Variants in SNX32 observed in about 807,000 individuals in gnomAD.
The protein encoded by SNX32 is sorting nexin 32.
A neutral mutation model predicts 57.0 loss-of-function variants in SNX32; 58 were observed. The observed-to-expected ratio is 1.02, with a 90% CI of 0.82 to 1.27. The LOEUF (loss-of-function observed/expected upper bound fraction) is 1.27, where lower values mean the gene tolerates loss of function less well. Among genes scored for constraint, SNX32 ranks in the 50% most tolerant of loss-of-function variants. The probability of loss-of-function intolerance (pLI) is 0.00; values close to 1 mark genes in which losing one functional copy is unlikely to be tolerated. For missense variants in SNX32, 589 were observed against 541.2 expected (o/e 1.09, Z -0.88); for synonymous variants, 262 against 220.4 (o/e 1.19, Z -1.67).
chr11:65,839,223 G>GTTTGTTTTTTTTTTTT (rs755185237), intron 1 of SNX32, among the ~76,000 whole-genome samples: 1 of 23,078 alleles, frequency 4.3e-5, no homozygotes, highest in Non-Finnish European at 7.1e-5. Flanking sequence ...TAATTTTTTT[G>GTTTGTTTTTTTTTTTT]TATTTTTTTT....
In SNX32 at chr11:65,849,508, G is replaced by A; in HGVS notation, c.67G>A (p.Asp23Asn). The A allele has an allele frequency of 6.2e-7, 1 of 1,613,656 alleles. No homozygotes were observed. Among genetic ancestry groups the A allele is most frequent in the South Asian group, 1.1e-5 (1 of 91,004 alleles). The change falls in exon 2 of 13, where the codon GAC becomes AAC. Residue 23 changes from aspartate to asparagine, a missense_variant. Coordinates refer to ENST00000308342, the MANE Select transcript of SNX32 (RefSeq NM_152760.3). ...CTGTGCATCGGTGGATCTGCAGGGA[G>A]ACAGCTCCTTACAGGTGGAGATTTC... ...PSCASVDLQGDSSLQVEISDA... is the reference protein window; with the variant it reads ...PSCASVDLQGNSSLQVEISDA...
At chr11:65,834,824 G>A (rs111200385) in intron 1 of SNX32, among the ~76,000 whole-genome samples, 291 of 148,006 alleles carry the variant, frequency 2.0e-3, no homozygotes, top group Non-Finnish European at 3.4e-3. Flanking sequence ...GTGTGTCTGT[G>A]TGTGTGTGTC....
intron 1 of SNX32, among the ~76,000 whole-genome samples, chr11:65,837,515 A>G (rs1163319429): frequency 2.6e-5 from 4 of 152,098 alleles, no homozygotes; most frequent in African/African-American, 7.2e-5. Flanking sequence ...CCTTGTCTTT[A>G]AAACAAAACA....
In SNX32 at chr11:65,849,583, G is replaced by C; in HGVS notation, c.141+1G>C. Reference sequence around the variant, plus strand: ...GGTGAAATTCACTGTTCAAACAAAGGTGAGGCAGTGCGGGGCACGAGGAAA... The same window carrying C: ...GGTGAAATTCACTGTTCAAACAAAGCTGAGGCAGTGCGGGGCACGAGGAAA... On this transcript the variant is annotated splice_donor_variant, in intron 2 of 12. Coordinates refer to ENST00000308342, the MANE Select transcript of SNX32 (RefSeq NM_152760.3). LOFTEE classifies it high-confidence loss of function. The C allele has an allele frequency of 6.2e-7, 1 of 1,613,880 alleles. No individual in the cohort carries two copies. Among genetic ancestry groups the C allele is most frequent in the Non-Finnish European group, 8.5e-7 (1 of 1,179,774 alleles).
chr11:65,849,041 G>A (rs1338240385), intron 1 of SNX32, among the ~76,000 whole-genome samples: 1 of 152,176 alleles, frequency 6.6e-6, no homozygotes, highest in Admixed American at 6.5e-5. Context: ...CTACTCGGGA[G>A]GCTGAGGCAG....
rs1435919649 is a variant in SNX32, at chr11:65,839,223, GTAT to G, written c.36+5124_36+5126del. 2.8e-3 allele frequency among the ~76,000 whole-genome samples: 64 copies of G among 23,068 alleles called. 13 individuals are homozygous for G. The highest frequency in any genetic ancestry group is 8.3e-3 in the East Asian group (5 of 606). The allele number at this position is 23,068 out of a possible 152,430, so 15.1% of individuals were successfully genotyped here. On this transcript the variant is annotated intron_variant, in intron 1 of 12. Coordinates refer to ENST00000308342, the MANE Select transcript of SNX32 (RefSeq NM_152760.3). ...CCCACCACGCCCAGCTAATTTTTTTGTATTTTTTTTTTTTTTTTTTTTTTGAGA... is the reference window on the plus strand; with the variant it reads ...CCCACCACGCCCAGCTAATTTTTTTGTTTTTTTTTTTTTTTTTTTTTGAGA...
rs138265063 is a variant in SNX32 at position 65,835,272 on chromosome 11, G to C, written c.36+1171G>C. ...TGTCCTTACAGATGGAAAGGGACCC[G>C]TCACTGTCACTCTTACCCTCCCCAA... On this transcript the variant is annotated intron_variant, in intron 1 of 12. Coordinates refer to ENST00000308342, the MANE Select transcript of SNX32 (RefSeq NM_152760.3). 4.5e-3 allele frequency among the ~76,000 whole-genome samples: 647 copies of C among 144,186 alleles called. 4 individuals are homozygous for C. The highest frequency in any genetic ancestry group is 0.02 in the South Asian group (87 of 4,356). The allele number at this position is 144,186 out of a possible 152,430, so 94.6% of individuals were successfully genotyped here.
intron 1 of SNX32, among the ~76,000 whole-genome samples, chr11:65,843,473 G>T (rs1419493878): frequency 1.3e-5 from 2 of 151,636 alleles, no homozygotes; most frequent in Non-Finnish European, 2.9e-5. Context: ...GGAGGCTGAG[G>T]CAGGAGAATC....
intron 9 of SNX32, 46 bp from the exon 10 acceptor site, chr11:65,852,419 G>A (rs200156250): frequency 1.3e-6 from 2 of 1,542,486 alleles, no homozygotes; most frequent in Non-Finnish European, 1.8e-6. Flanking sequence ...CCCCTTAGCT[G>A]CCCCTCTGAC....
intron 5 of SNX32, 66 bp downstream of exon 5, chr11:65,850,620 C>A: frequency 6.4e-7 from 1 of 1,558,800 alleles, no homozygotes; most frequent in South Asian, 1.2e-5. Flanking sequence ...GGGAGGCACC[C>A]AGGGGTGGCA....
chr11:65,834,230 C>CTG, intron 1 of SNX32, 129 bp downstream of exon 1: 1 of 1,018,670 alleles, frequency 9.8e-7, no homozygotes, highest in Non-Finnish European at 1.5e-6. Flanking sequence ...CTGTGTGTGT[C>CTG]TGTGTGTGTA....
chr11:65,838,500 T>C (rs1858733892), intron 1 of SNX32, among the ~76,000 whole-genome samples: 1 of 152,164 alleles, frequency 6.6e-6, no homozygotes, highest in Non-Finnish European at 1.5e-5. Flanking sequence ...GCTGGAATTA[T>C]AGGCATGAGT....
chr11:65,850,764 GGAA>G lies in SNX32; in HGVS notation c.516_518del (p.Lys172del), dbSNP rs1242399514. 3 of 1,614,048 alleles carry G rather than the reference GGAA, an allele frequency of 1.9e-6. No homozygotes were observed. The highest frequency in any genetic ancestry group is 2.5e-6 in the Non-Finnish European group (3 of 1,179,944). On this transcript the variant is annotated inframe_deletion, in exon 6 of 13. Coordinates refer to ENST00000308342, the MANE Select transcript of SNX32 (RefSeq NM_152760.3). The stretch of plus-strand genomic sequence containing the variant: ...TGTGTGCCTCAGCTGAGTGTCCGGG[GGAA>G]GAACAGGAAGGAGCTCCTCGGAGGG...
rs1231812412 is a variant in SNX32 at position 65,850,689 on chromosome 11, G to A, written c.499-62G>A. The A allele has an allele frequency of 5.0e-6, 8 of 1,584,372 alleles. No homozygotes were observed. In the East Asian group the frequency reaches 1.8e-4, roughly 36 times the overall value. ...TGTGTCACAGCTCCGTGAGTGGCTT[G>A]CAACTTGGGGTGGGAGGTGAGAACG... On this transcript the variant is annotated intron_variant, in intron 5 of 12. Transcript: ENST00000308342.
chr11:65,839,329 A>C (rs1000311415), intron 1 of SNX32, among the ~76,000 whole-genome samples: 11 of 131,140 alleles, frequency 8.4e-5, no homozygotes, highest in Admixed American at 8.1e-4. Context: ...TCCCGGGTTC[A>C]CGCCATTCTC....
At chr11:65,849,714 C>T in intron 2 of SNX32, 132 bp downstream of exon 2, 1 of 880,738 alleles carries the variant, frequency 1.1e-6, no homozygotes, top group Non-Finnish European at 1.8e-6. Flanking sequence ...CTCAGCCCCT[C>T]CTGGAAAGTG....
Position 65,843,557 on chromosome 11 carries a change from ACT to A in SNX32, c.37-5918_37-5917del, listed in dbSNP as rs372652432. 2.7e-3 allele frequency among the ~76,000 whole-genome samples: 404 copies of A among 152,272 alleles called. 4 individuals carry two copies. Among genetic ancestry groups the A allele is most frequent in the African/African-American group, 9.3e-3 (387 of 41,538 alleles). ...ACACCAGCCTGGGCAACAGAGCAAG[ACT>A]CTGTCTCAAAAGAAAAAGAAAAAGA... On this transcript the variant is annotated intron_variant, in intron 1 of 12. Transcript: ENST00000308342.
rs1168882508 is a variant in SNX32, at chr11:65,839,225, A to ATTTT, written c.36+5143_36+5146dup. The stretch of plus-strand genomic sequence containing the variant: ...CACCACGCCCAGCTAATTTTTTTGT[A>ATTTT]TTTTTTTTTTTTTTTTTTTTTTGAG... On this transcript the variant is annotated intron_variant, in intron 1 of 12. Coordinates refer to ENST00000308342, the MANE Select transcript of SNX32 (RefSeq NM_152760.3). Among the ~76,000 whole-genome samples the ATTTT allele has an allele frequency of 1.4e-3, 39 of 27,638 alleles. 9 individuals are homozygous for ATTTT. The highest frequency in any genetic ancestry group is 5.1e-3 in the African/African-American group (34 of 6,628). The allele number at this position is 27,638 out of a possible 152,430, so 18.1% of individuals were successfully genotyped here. A position where few individuals can be genotyped will look rare whatever the true frequency, so the allele number is the denominator to read the frequency against.
At chr11:65,838,764 ATAGAT>A (rs1401863192) in intron 1 of SNX32, among the ~76,000 whole-genome samples, 12 of 152,334 alleles carry the variant, frequency 7.9e-5, no homozygotes, top group African/African-American at 2.9e-4. Context: ...AGACGAAATC[ATAGAT>A]TATATACTCT....
Sources: allele counts gnomAD v4.1 joint callset (sites outside exome capture counted in the v4.1 genomes callset), GRCh38; gene constraint gnomAD v4.1.1; transcripts MANE v1.5; gene names NCBI Gene and HGNC (gene_info 2026-07-23, HGNC 2026-07-21).